TET3: variants seen among roughly 807,000 people sequenced by gnomAD.
TET3 encodes methylcytosine dioxygenase TET3.
In TET3, 19 loss-of-function variants were observed where a neutral mutation model predicts 141.4. The observed-to-expected ratio is 0.13, with a 90% CI of 0.09 to 0.20. The LOEUF is 0.20. TET3 is among the 10% of genes least tolerant of loss of function. TET3 has a pLI of 1.00. For synonymous variants in TET3, 1,043 were observed against 980.9 expected (o/e 1.06, Z -1.18); for missense variants, 1,874 against 2,356.9 (o/e 0.80, Z 4.24).
At chr2:74,077,138 G>T (rs1210379977) in intron 5 of TET3, among the ~76,000 whole-genome samples, 1 of 152,210 alleles carries the variant, frequency 6.6e-6, no homozygotes, top group Non-Finnish European at 1.5e-5. Context: ...CACTGCACTA[G>T]CAGGTTCTCT....
At chr2:74,033,459 C>A (rs2105304144) in intron 3 of TET3, among the ~76,000 whole-genome samples, 1 of 152,326 alleles carries the variant, frequency 6.6e-6, no homozygotes, top group African/African-American at 2.4e-5. Context: ...TCTCAAGTTT[C>A]ACTTTTTCAT....
In TET3 at chr2:74,047,111, G is replaced by T. The variant is rs969102952; in HGVS notation, c.1194G>T (p.Gln398His). ...LSPPAPFRSP[Q>H]SYLRAPSWPV... ...CTCCTGCCCCTTTCAGATCTCCCCA[G>T]TCTTACCTCCGGGCTCCCTCATGGC... The change falls in exon 4 of 12, where the codon CAG becomes CAT. Residue 398 changes from glutamine (Q) to histidine (H), a missense_variant. Gln to His is a conservative substitution (Grantham distance 24). Transcript: ENST00000409262. The T allele has an allele frequency of 6.2e-7, 1 of 1,613,678 alleles. No individual in the cohort carries two copies. The highest frequency in any genetic ancestry group is 1.3e-5 in the African/African-American group (1 of 74,852).
intron 7 of TET3, among the ~76,000 whole-genome samples, chr2:74,089,125 T>G (rs2104081639): frequency 6.8e-6 from 1 of 146,376 alleles, no homozygotes; most frequent in African/African-American, 2.5e-5. Context: ...AGTTCCATCT[T>G]CCCCCCGAAG....
chr2:74,047,761 G>T lies in TET3; in HGVS notation c.1844G>T (p.Arg615Leu), dbSNP rs377353644. The change falls in exon 4 of 12, where the codon CGG (arginine) becomes CTG (leucine). Residue 615 changes from arginine to leucine, a missense_variant. Physicochemically the swap from Arg to Leu is moderately radical, Grantham distance 102. Transcript: ENST00000409262. ...ATTCAGATCAAGAAGTCCAGGCCCC[G>T]GGAAGCACAGCCCCTCTTCCCACCT... is the stretch of plus-strand genomic sequence containing the variant. The part of the protein sequence containing the change: ...KPIQIKKSRP[R>L]EAQPLFPPVR... 1 of 1,613,530 alleles carries T rather than the reference G, an allele frequency of 6.2e-7. No homozygotes were observed. The highest frequency in any genetic ancestry group is 2.2e-5 in the East Asian group (1 of 44,864).
chr2:73,992,306 T>TTTTTTTTCTTTC (rs1364097889), intron 2 of TET3, among the ~76,000 whole-genome samples: 1 of 140,978 alleles, frequency 7.1e-6, no homozygotes, highest in Non-Finnish European at 1.5e-5. Context: ...TTTTCTTTTC[T>TTTTTTTTCTTTC]TTTTTTTTTT....
Position 74,047,834 on chromosome 2 carries a change from A to C in TET3, c.1917A>C (p.Glu639Asp), listed in dbSNP as rs1373347534. Residue 639 changes from glutamate (E) to aspartate (D), a missense_variant, in exon 4 of 12, where the codon GAA becomes GAC. Around this residue, in one of 10 missense-constraint regions of TET3, gnomAD observed 484 missense variants for 462.2 expected, o/e 1.05. Transcript: ENST00000409262. ...LEGLRSPASQEVQAHPPAPLP... is the reference protein window; with the variant it reads ...LEGLRSPASQDVQAHPPAPLP... ...GGCTTAGGTCCCCAGCCTCCCAGGA[A>C]GTGCAGGCTCATCCACCGGCCCCTC... 6.2e-7 allele frequency: 1 copy of C among 1,613,016 alleles called. No homozygotes were observed. The highest frequency in any genetic ancestry group is 1.1e-5 in the South Asian group (1 of 90,932).
At chr2:74,086,791 TAAAAAAAAA>T (rs33942081) in intron 6 of TET3, among the ~76,000 whole-genome samples, 1 of 94,056 alleles carries the variant, frequency 1.1e-5, no homozygotes, top group African/African-American at 4.2e-5. Flanking sequence ...ACCCTGACTC[TAAAAAAAAA>T]AAAAAAAAAA....
rs117878579 is a variant in TET3, at chr2:74,008,664, A to G, written c.360+5498A>G. The stretch of plus-strand genomic sequence containing the variant: ...TTCCCCCTACTTTCTGTTGCTGAGG[A>G]TCTACGGCCTTTTTTGAGATGCTAA... On this transcript the variant is annotated intron_variant, in intron 3 of 11. Transcript: ENST00000409262. Among the ~76,000 whole-genome samples the G allele has an allele frequency of 2.8e-4, 42 of 152,200 alleles. 1 individual carries two copies. In the East Asian group the frequency reaches 8.1e-3, roughly 29 times the overall value.
intron 5 of TET3, among the ~76,000 whole-genome samples, chr2:74,074,395 T>C (rs745785321): frequency 2.0e-5 from 3 of 152,242 alleles, no homozygotes; most frequent in Non-Finnish European, 2.9e-5. Context: ...TACTGCTTAG[T>C]GATTATATAC....
chr2:74,011,994 C>T (rs1685460654), intron 3 of TET3, among the ~76,000 whole-genome samples: 1 of 152,070 alleles, frequency 6.6e-6, no homozygotes, highest in South Asian at 2.1e-4. Flanking sequence ...AGGGTCTGGC[C>T]CTGCCGCCCA....
chr2:74,067,853 G>T (rs1377315106), intron 4 of TET3, among the ~76,000 whole-genome samples: 1 of 152,238 alleles, frequency 6.6e-6, no homozygotes, highest in Non-Finnish European at 1.5e-5. Context: ...AGGTTGCAAG[G>T]CAGGGAGGTG....
intron 4 of TET3, among the ~76,000 whole-genome samples, chr2:74,056,741 G>A (rs1368268242): frequency 1.3e-5 from 2 of 152,164 alleles, no homozygotes; most frequent in Non-Finnish European, 2.9e-5. Context: ...CTGAAACCTG[G>A]TGAAAGGAAC....
At chr2:73,992,071 G>A (rs1230293486) in intron 2 of TET3, among the ~76,000 whole-genome samples, 1 of 152,090 alleles carries the variant, frequency 6.6e-6, no homozygotes. Context: ...TAAGGCTGGT[G>A]GAAAATGCTG....
At chr2:74,114,972 A>T in the TET3 span, among the ~76,000 whole-genome samples, 5 of 152,050 alleles carry the variant, frequency 3.3e-5, no homozygotes, top group Non-Finnish European at 5.9e-5. Flanking sequence ...CCAAAGACCT[A>T]AATGTAAGGC....
At chr2:74,036,016 C>CA (rs1187206876) in intron 3 of TET3, among the ~76,000 whole-genome samples, 14 of 151,808 alleles carry the variant, frequency 9.2e-5, no homozygotes, top group African/African-American at 3.4e-4. Context: ...GACTCTGTCT[C>CA]AAAAAAAAGT....
chr2:73,987,840 G>A (rs1175023308), intron 2 of TET3, among the ~76,000 whole-genome samples: 6 of 152,200 alleles, frequency 3.9e-5, no homozygotes, highest in African/African-American at 9.6e-5. Flanking sequence ...CCTGTGGCTG[G>A]CGTTGGGCTG....
intron 2 of TET3, among the ~76,000 whole-genome samples, chr2:73,995,020 G>A (rs1482707886): frequency 6.6e-6 from 1 of 152,134 alleles, no homozygotes; most frequent in Non-Finnish European, 1.5e-5. Flanking sequence ...GAGTACAGTG[G>A]CGTGATCTCA....
At chr2:74,033,377 TC>T (rs1355226727) in intron 3 of TET3, among the ~76,000 whole-genome samples, 6 of 152,332 alleles carry the variant, frequency 3.9e-5, no homozygotes, top group Middle Eastern at 6.8e-3. Flanking sequence ...TCCTATTTTT[TC>T]CCCCATTTCA....
chr2:74,092,678 C>T (rs13413697), intron 8 of TET3, among the ~76,000 whole-genome samples: 9,492 of 152,240 alleles, frequency 0.062, 584 homozygotes, highest in African/African-American at 0.15. Flanking sequence ...GATGACTAGA[C>T]CTTCAGGCCG....
Sources: allele counts gnomAD v4.1 joint callset (sites outside exome capture counted in the v4.1 genomes callset), GRCh38; gene constraint gnomAD v4.1.1; regional missense constraint gnomAD v4.1.1; transcripts MANE v1.5; gene names NCBI Gene and HGNC (gene_info 2026-07-23, HGNC 2026-07-21).